The following VPS39 variants were observed in gnomAD, a reference collection of about 807,000 sequenced individuals.
VPS39 encodes vam6/Vps39-like protein.
VPS39 carries 70 observed loss-of-function variants against 121.0 expected under a neutral mutation model. That is an observed-to-expected ratio of 0.58 (90% CI 0.48 to 0.71). VPS39 has a LOEUF of 0.71. Among genes scored for constraint, VPS39 ranks in the 30% least tolerant of loss-of-function variants. VPS39 has a pLI of 0.00. For synonymous variants in VPS39, 378 were observed against 398.1 expected (o/e 0.95, Z 0.60); for missense variants, 818 against 1,051.5 (o/e 0.78, Z 3.07).
intron 8 of VPS39, 72 bp from the exon 9 acceptor site, chr15:42,178,642 A>C: frequency 1.3e-6 from 2 of 1,582,832 alleles, no homozygotes. Flanking sequence ...TCAGCTGCCC[A>C]TTCTAAGATA....
At chr15:42,197,349 T>TAA (rs1026254130) in intron 2 of VPS39, among the ~76,000 whole-genome samples, 1 of 91,348 alleles carries the variant, frequency 1.1e-5, no homozygotes. Flanking sequence ...AAAAAAAACC[T>TAA]AAAAAAAAAA....
At chr15:42,164,294 G>C (rs2049196911) in intron 19 of VPS39, 64 bp downstream of exon 19, 10 of 1,593,838 alleles carry the variant, frequency 6.3e-6, no homozygotes, top group Non-Finnish European at 7.7e-6. Flanking sequence ...AACAATTAAA[G>C]GGGTGGATTA....
Position 42,208,127 on chromosome 15 carries a change from C to T in VPS39, c.27G>A (p.Pro9=), listed in dbSNP as rs149755806. ...TTTGCAGAGGCAGCTTTTCTAGGAT[C>T]GGCACTGGCTCGAAAGCGTCGTGCA... MHDAFEPV[P]ILEKLPLQID... Residue 9 remains proline (P), a synonymous_variant, in exon 1 of 25, where the codon CCG becomes CCA. Coordinates refer to ENST00000318006, the MANE Select transcript of VPS39 (RefSeq NM_015289.5). The T allele has an allele frequency of 2.6e-4, 405 of 1,588,148 alleles. 2 individuals carry two copies. The East Asian group carries it at 4.0e-3, about 16-fold the overall frequency.
intron 4 of VPS39, 121 bp from the exon 5 acceptor site, chr15:42,189,329 A>G: frequency 2.9e-6 from 2 of 699,330 alleles, no homozygotes; most frequent in South Asian, 3.3e-5. Flanking sequence ...ATGTTGGTTG[A>G]AGATGTCCCT....
chr15:42,163,348 A>ACATCTTTGTTGC lies in VPS39; in HGVS notation c.2165_2175+1dup. The ACATCTTTGTTGC allele has an allele frequency of 6.2e-7, 1 of 1,614,130 alleles. No individual in the cohort carries two copies. The highest frequency in any genetic ancestry group is 8.5e-7 in the Non-Finnish European group (1 of 1,180,018). On this transcript the variant is annotated splice_donor_variant, in intron 21 of 24. Transcript: ENST00000318006. LOFTEE classifies it high-confidence loss of function. The stretch of plus-strand genomic sequence containing the variant: ...GCTCCCTGGGTCAGGGTCACTACTC[A>ACATCTTTGTTGC]CATCTTTGTTGCCATCTTTGTTTCG...
chr15:42,164,710 C>A, intron 18 of VPS39: 1 of 1,430,868 alleles, frequency 7.0e-7, no homozygotes, highest in South Asian at 1.6e-5. Context: ...ACTCTGTGGG[C>A]AAACCTGTTT....
intron 17 of VPS39, chr15:42,165,370 C>T (rs1289241791): frequency 5.5e-6 from 3 of 546,948 alleles, no homozygotes; most frequent in South Asian, 2.4e-5. Context: ...ACTCTCATAG[C>T]GACTCATGTA....
intron 2 of VPS39, chr15:42,199,526 T>A (rs1183950539): frequency 6.7e-6 from 3 of 447,500 alleles, no homozygotes. Flanking sequence ...TGCCTAATTT[T>A]TTTTCCTACC....
intron 4 of VPS39, 88 bp downstream of exon 4, chr15:42,191,037 A>G (rs1198391289): frequency 2.1e-5 from 31 of 1,470,820 alleles, no homozygotes; most frequent in Non-Finnish European, 2.9e-5. Flanking sequence ...ATTGTTAAGT[A>G]ACCACTATCA....
At position 42,166,598 on chromosome 15, in the gene VPS39, C is replaced by T. The variant is rs2049247832; in HGVS notation, c.1571G>A (p.Gly524Asp). 1.2e-6 allele frequency: 2 copies of T among 1,614,206 alleles called. No individual in the cohort carries two copies. The highest frequency in any genetic ancestry group is 1.7e-6 in the Non-Finnish European group (2 of 1,180,036). The change falls in exon 15 of 25, where the codon GGC becomes GAC. Residue 524 changes from glycine to aspartate, a missense_variant. Physicochemically the swap from Gly to Asp is moderately conservative, Grantham distance 94 (BLOSUM62 -1). Transcript: ENST00000318006. ...CAGATACTGCACTGTCCTCTCGTGG[C>T]CTTTCAGAGGGGAGTTGGCTTTCTT... ...QSKKANSPLK[G>D]HERTVQYLQH...
At chr15:42,207,410 T>C (rs377327511) in intron 1 of VPS39, among the ~76,000 whole-genome samples, 83 of 152,294 alleles carry the variant, frequency 5.4e-4, no homozygotes, top group African/African-American at 2.0e-3. Flanking sequence ...ACAAGAGATG[T>C]CTGTCCCGGC....
Position 42,159,574 on chromosome 15 carries a change from C to G in VPS39, c.*1180G>C, listed in dbSNP as rs912811610. The G allele has an allele frequency of 1.3e-5, 2 of 152,420 alleles. No individual in the cohort carries two copies. The highest frequency in any genetic ancestry group is 2.9e-5 in the Non-Finnish European group (2 of 68,202). 9.4% of individuals were successfully genotyped at this position (152,420 alleles called of 1,614,324 possible). On this transcript the variant is annotated 3_prime_UTR_variant, in exon 25 of 25. Transcript: ENST00000318006. ...CCAGCGTCCTGCTGTTCTTGCCCCC[C>G]GCGTCCCCTCTGCTGTGCCTAAACA...
chr15:42,192,134 A>G, intron 2 of VPS39: 1 of 1,535,612 alleles, frequency 6.5e-7, no homozygotes, highest in Middle Eastern at 1.7e-4. Flanking sequence ...TATATACCAT[A>G]AAAACATGTG....
Position 42,191,997 on chromosome 15 carries a change from A to G in VPS39, c.140-437T>C. Reference sequence around the variant, plus strand: ...AGCAACTATTCTAACTAAGTTCTGTATCACGGAGACAGAGCAAACACTCAA... The same window carrying G: ...AGCAACTATTCTAACTAAGTTCTGTGTCACGGAGACAGAGCAAACACTCAA... On this transcript the variant is annotated intron_variant, in intron 2 of 24. Transcript: ENST00000318006. 4 of 1,486,822 alleles carry G rather than the reference A, an allele frequency of 2.7e-6. No homozygotes were observed. The South Asian group carries it at 3.6e-5, about 13-fold the overall frequency. 92.1% of individuals were successfully genotyped at this position (1,486,822 alleles called of 1,614,324 possible). A position where few individuals can be genotyped will look rare whatever the true frequency, so the allele number is the denominator to read the frequency against.
chr15:42,204,262 C>T (rs959600130), intron 1 of VPS39, among the ~76,000 whole-genome samples: 1 of 152,236 alleles, frequency 6.6e-6, no homozygotes, highest in Non-Finnish European at 1.5e-5. Flanking sequence ...TTAGAATCAC[C>T]TGGACTTATT....
chr15:42,173,591 GCT>G, intron 11 of VPS39, 130 bp downstream of exon 11: 1 of 1,197,952 alleles, frequency 8.3e-7, no homozygotes, highest in Non-Finnish European at 1.2e-6. Context: ...ACAGGATCTT[GCT>G]AGGTATGAGG....
chr15:42,166,060 C>T (rs2140839120), intron 16 of VPS39, 99 bp downstream of exon 16: 1 of 1,234,800 alleles, frequency 8.1e-7, no homozygotes, highest in Non-Finnish European at 1.2e-6. Context: ...CCAATGAAGA[C>T]AGATGCATGA....
At chr15:42,172,149 A>G (rs1175661458) in intron 11 of VPS39, among the ~76,000 whole-genome samples, 1 of 152,246 alleles carries the variant, frequency 6.6e-6, no homozygotes, top group African/African-American at 2.4e-5. Flanking sequence ...TGAACCTGGC[A>G]GGACCCTTGT....
rs775183895 is a variant in VPS39 at position 42,162,064 on chromosome 15, G to C, written c.2428C>G (p.Leu810Val). ...NAQKKRFNQV[L>V]KNLLHAEFLR... ...AATTCTGCATGGAGAAGGTTCTTGA[G>C]CACTTGATTGAACCGTTTCTTTTGT... is the stretch of plus-strand genomic sequence containing the variant. The change falls in exon 23 of 25, where the codon CTC becomes GTC. Residue 810 changes from leucine (L) to valine (V), a missense_variant. Physicochemically the swap from Leu to Val is conservative, Grantham distance 32. Transcript: ENST00000318006. 1.9e-6 allele frequency: 3 copies of C among 1,614,206 alleles called. No homozygotes were observed. Among genetic ancestry groups the C allele is most frequent in the Middle Eastern group, 1.6e-4 (1 of 6,062 alleles).
Sources: gnomAD v4.1 joint callset for allele counts (sites outside exome capture counted in the v4.1 genomes callset) on GRCh38, gnomAD v4.1.1 for gene constraint, MANE v1.5 for transcripts, NCBI Gene and HGNC (gene_info 2026-07-23, HGNC 2026-07-21) for gene names.